The following ANKRD11 variants were observed in gnomAD, a reference collection of about 807,000 sequenced individuals.
ANKRD11 encodes ankyrin repeat domain-containing protein 11.
ANKRD11 carries 17 observed loss-of-function variants against 195.7 expected under a neutral mutation model. That is an observed-to-expected ratio of 0.09 (90% CI 0.06 to 0.13). The LOEUF is 0.13. ANKRD11 is among the 10% of genes least tolerant of loss of function. The pLI, the probability that ANKRD11 is intolerant of heterozygous loss-of-function variation, is 1.00. For missense variants in ANKRD11, 3,735 were observed against 3,566.1 expected, an observed-to-expected ratio of 1.05 and a Z score of -1.21; for synonymous variants, 1,953 against 1,528.1, an observed-to-expected ratio of 1.28 and a Z score of -6.49.
At chr16:89,353,602 C>G (rs1461013855) in intron 2 of ANKRD11, among the ~76,000 whole-genome samples, 10 of 151,904 alleles carry the variant, frequency 6.6e-5, no homozygotes, top group Admixed American at 6.6e-4. Context: ...CTCAGCCTCC[C>G]TAGTAGCTGG....
chr16:89,433,142 A>C (rs992176321), intron 1 of ANKRD11, among the ~76,000 whole-genome samples: 2 of 152,146 alleles, frequency 1.3e-5, no homozygotes, highest in Non-Finnish European at 2.9e-5. Context: ...ATGGATATTC[A>C]CCATAAGATG....
rs1266962947 is a variant in ANKRD11, at chr16:89,284,830, G to A, written c.1712C>T (p.Thr571Met). The stretch of plus-strand genomic sequence containing the variant: ...GTAGTCAGACTCGCTTGTCAGTCTC[G>A]TCCTTGTGGAGTCTGATAAAGAACT... ...EVSSLSDSTR[T>M]RLTSESDYSS... Residue 571 changes from threonine (T) to methionine (M), a missense_variant, in exon 9 of 13, where the codon ACG becomes ATG. Physicochemically the swap from Thr to Met is moderately conservative, Grantham distance 81. Transcript: ENST00000301030. 3 of 1,613,774 alleles carry A rather than the reference G, an allele frequency of 1.9e-6. No individual in the cohort carries two copies. The highest frequency in any genetic ancestry group is 1.3e-5 in the African/African-American group (1 of 74,904).
intron 6 of ANKRD11, among the ~76,000 whole-genome samples, chr16:89,289,136 G>A (rs1241009013): frequency 3.3e-5 from 5 of 152,188 alleles, no homozygotes; most frequent in Admixed American, 2.6e-4. Context: ...CGGGCTGCAC[G>A]ACGAAGGCCA....
intron 2 of ANKRD11, among the ~76,000 whole-genome samples, chr16:89,355,037 A>G (rs1378276510): frequency 6.6e-6 from 1 of 152,198 alleles, no homozygotes; most frequent in Non-Finnish European, 1.5e-5. Flanking sequence ...CAGGAAGGAA[A>G]CGCCAGAACA....
At chr16:89,313,290 G>A (rs150109685) in intron 3 of ANKRD11, 30 of 1,282,254 alleles carry the variant, frequency 2.3e-5, no homozygotes, top group East Asian at 1.7e-4. Flanking sequence ...GGGTGGGGAC[G>A]ACACTGTTCT....
At chr16:89,314,627 G>C (rs1168898717) in intron 3 of ANKRD11, among the ~76,000 whole-genome samples, 1 of 152,148 alleles carries the variant, frequency 6.6e-6, no homozygotes, top group South Asian at 2.1e-4. Flanking sequence ...CTGCTGGTGT[G>C]TCAAGCGGCT....
At chr16:89,352,067 T>G (rs1468522411) in intron 2 of ANKRD11, among the ~76,000 whole-genome samples, 2 of 152,046 alleles carry the variant, frequency 1.3e-5, no homozygotes, top group African/African-American at 4.8e-5. Context: ...CCCAGGTAAT[T>G]TGTGTAGAGG....
At chr16:89,309,616 C>T (rs1249515383) in intron 3 of ANKRD11, among the ~76,000 whole-genome samples, 1 of 152,232 alleles carries the variant, frequency 6.6e-6, no homozygotes, top group African/African-American at 2.4e-5. Flanking sequence ...GAGCTGCCTA[C>T]AACAGGGAGC....
At position 89,280,010 on chromosome 16, in the gene ANKRD11, C is replaced by T; in HGVS notation, c.6532G>A (p.Asp2178Asn). ...TCCTCAGCCACTACGGTGGAAACAT[C>T]CCCACCGTTTATGACCCCGGGGGCC... Reference protein sequence around the residue: ...PGAPGVINGGDVSTVVAEEPP... With the variant: ...PGAPGVINGGNVSTVVAEEPP... The change falls in exon 9 of 13, where the codon GAT becomes AAT. Residue 2178 changes from aspartate to asparagine, a missense_variant. Physicochemically the swap from Asp to Asn is conservative, Grantham distance 23. Coordinates refer to ENST00000301030, the MANE Select transcript of ANKRD11 (RefSeq NM_013275.6). 1 of 1,612,510 alleles carries T rather than the reference C, an allele frequency of 6.2e-7. No homozygotes were observed. Among genetic ancestry groups the T allele is most frequent in the Non-Finnish European group, 8.5e-7 (1 of 1,179,932 alleles).
At chr16:89,471,396 C>G (rs1166598659) in intron 1 of ANKRD11, among the ~76,000 whole-genome samples, 1 of 152,074 alleles carries the variant, frequency 6.6e-6, no homozygotes, top group Non-Finnish European at 1.5e-5. Context: ...ATCAAGTTAC[C>G]CTGCAGCCCT....
intron 4 of ANKRD11, among the ~76,000 whole-genome samples, chr16:89,294,236 T>G (rs1406127034): frequency 2.0e-5 from 3 of 152,164 alleles, no homozygotes; most frequent in Admixed American, 2.0e-4. Flanking sequence ...GCAATTCGCA[T>G]GGAAGGTGCT....
chr16:89,285,411 G>A lies in ANKRD11; in HGVS notation c.1131C>T (p.Ser377=), dbSNP rs1370004025. The part of the protein sequence containing the change: ...LKKDYRKETK[S]NSFISIPKME... ...TTTTGGGTATAGAGATAAAACTATT[G>A]GATTTCGTTTCTTTTCTGTAGTCCT... The change falls in exon 9 of 13, where the codon TCC becomes TCT. Residue 377 remains serine, a synonymous_variant. Transcript: ENST00000301030. The surrounding 1 kb of genome is among the most constrained non-coding windows in gnomAD (Gnocchi z 5.6). The A allele has an allele frequency of 6.2e-7, 1 of 1,614,110 alleles. No individual in the cohort carries two copies. The highest frequency in any genetic ancestry group is 8.5e-7 in the Non-Finnish European group (1 of 1,180,018).
At chr16:89,436,856 G>C (rs1438111055) in intron 1 of ANKRD11, among the ~76,000 whole-genome samples, 2 of 152,190 alleles carry the variant, frequency 1.3e-5, no homozygotes, top group East Asian at 3.8e-4. Flanking sequence ...TATTGCCGAA[G>C]CTTTGTGTTT....
chr16:89,462,836 C>A (rs1469919633), intron 1 of ANKRD11, among the ~76,000 whole-genome samples: 1 of 151,810 alleles, frequency 6.6e-6, no homozygotes, highest in Non-Finnish European at 1.5e-5. Flanking sequence ...CGCCCGGCAG[C>A]CACCCCGTCT....
rs1567777404 is a variant in ANKRD11 at position 89,418,270 on chromosome 16, CAGTG to C, written c.-60+10_-60+13del. 4.4e-6 allele frequency: 2 copies of C among 453,696 alleles called. No homozygotes were observed. Among genetic ancestry groups the C allele is most frequent in the African/African-American group, 4.0e-5 (2 of 50,000 alleles). 28.1% of individuals were successfully genotyped at this position (453,696 alleles called of 1,614,324 possible). A position where few individuals can be genotyped will look rare whatever the true frequency, so the allele number is the denominator to read the frequency against. On this transcript the variant is annotated intron_variant, in intron 2 of 12. Transcript: ENST00000301030. The stretch of plus-strand genomic sequence containing the variant: ...CAAAAACATAAATTGATAGAGAATG[CAGTG>C]AGTATTTACCGATTCCATAGCTGAA...
rs373114393 is a variant in ANKRD11, at chr16:89,321,561, G to A, written c.-59-4483C>T. Among the ~76,000 whole-genome samples the A allele has an allele frequency of 3.4e-4, 52 of 152,124 alleles. No individual in the cohort carries two copies. In the East Asian group the frequency reaches 5.4e-3, roughly 16 times the overall value. On this transcript the variant is annotated intron_variant, in intron 2 of 12. Transcript: ENST00000301030. ...GCCTTGGCATCACCAGGGAGTCCGTGGACCATGGAGACTCACGGGTCCCCT... is the reference window on the plus strand; with the variant it reads ...GCCTTGGCATCACCAGGGAGTCCGTAGACCATGGAGACTCACGGGTCCCCT...
chr16:89,390,719 C>T (rs1407931263), intron 2 of ANKRD11, among the ~76,000 whole-genome samples: 4 of 152,032 alleles, frequency 2.6e-5, no homozygotes, highest in East Asian at 1.9e-4. Flanking sequence ...GGCCAGCACC[C>T]GTAAGTCCTG....
intron 3 of ANKRD11, among the ~76,000 whole-genome samples, chr16:89,307,917 T>C (rs561661133): frequency 1.3e-5 from 2 of 151,632 alleles, no homozygotes; most frequent in South Asian, 4.2e-4. Flanking sequence ...GGAAAGTTTC[T>C]ACCAAACATG....
chr16:89,313,451 C>G (rs756808905), intron 3 of ANKRD11: 8 of 1,289,198 alleles, frequency 6.2e-6, no homozygotes, highest in Non-Finnish European at 8.1e-6. Context: ...ACACGCCTGC[C>G]ACTGTGCTCA....
Sources: allele counts gnomAD v4.1 joint callset (sites outside exome capture counted in the v4.1 genomes callset), GRCh38; gene constraint gnomAD v4.1.1; non-coding constraint Gnocchi (gnomAD v3.1); transcripts MANE v1.5; gene names NCBI Gene and HGNC (gene_info 2026-07-23, HGNC 2026-07-21).